The following SMC1A variants were observed in gnomAD, a reference collection of about 807,000 sequenced individuals.
SMC1A encodes the protein structural maintenance of chromosomes 1A, also known as structural maintenance of chromosomes protein 1A.
A neutral mutation model predicts 94.5 loss-of-function variants in SMC1A; 4 were observed. The ratio of observed to expected loss-of-function variants is 0.04; its 90% CI spans 0.02 to 0.10. The LOEUF (loss-of-function observed/expected upper bound fraction) is 0.10. Ranked by LOEUF, SMC1A falls within the 10% of genes least tolerant of loss-of-function variation. The probability of loss-of-function intolerance (pLI) is 1.00; values close to 1 mark genes in which losing one functional copy is unlikely to be tolerated. For missense variants in SMC1A, 304 were observed against 989.0 expected, an observed-to-expected ratio of 0.31 and a Z score of 9.29; for synonymous variants, 345 against 347.7, an observed-to-expected ratio of 0.99 and a Z score of 0.09.
At chrX:53,389,935 T>C (rs1160971827) in intron 19 of SMC1A, among the ~76,000 whole-genome samples, 8 of 95,235 alleles carry the variant, frequency 8.4e-5, no homozygotes, top group African/African-American at 3.1e-4. Flanking sequence ...CGGCAACCTC[T>C]GACTCCTGGG....
intron 19 of SMC1A, among the ~76,000 whole-genome samples, chrX:53,392,907 T>C (rs373386650): frequency 1.1e-4 from 12 of 112,247 alleles, no homozygotes; most frequent in African/African-American, 3.9e-4. Context: ...TCGTCTCACA[T>C]AGCCAACTAC....
chrX:53,390,315 G>A (rs1247380387), intron 19 of SMC1A, among the ~76,000 whole-genome samples: 1 of 107,571 alleles, frequency 9.3e-6, no homozygotes, highest in Non-Finnish European at 1.9e-5. Context: ...GTGAAATCCC[G>A]TCTCTAATAA....
intron 19 of SMC1A, among the ~76,000 whole-genome samples, chrX:53,385,680 T>C (rs1247270819): frequency 9.0e-6 from 1 of 111,170 alleles, no homozygotes; most frequent in Non-Finnish European, 1.9e-5. Flanking sequence ...TTTAAACATA[T>C]AACGGCAAGA....
chrX:53,402,884 A>T (rs1218545529), intron 15 of SMC1A, among the ~76,000 whole-genome samples: 1 of 89,665 alleles, frequency 1.1e-5, no homozygotes, highest in African/African-American at 4.3e-5. Flanking sequence ...AAAAAAAAAA[A>T]AGGGCCGGCA....
At chrX:53,418,698 G>A (rs944547938) in intron 1 of SMC1A, among the ~76,000 whole-genome samples, 3 of 112,349 alleles carry the variant, frequency 2.7e-5, no homozygotes, top group Admixed American at 9.4e-5. Context: ...CTCCCAAAGT[G>A]CTGGGGTTAC....
chrX:53,389,838 A>ATTTTT (rs1569353558), intron 19 of SMC1A, among the ~76,000 whole-genome samples: 3 of 92,254 alleles, frequency 3.3e-5, no homozygotes, highest in African/African-American at 1.2e-4. Context: ...GATGTCCAGA[A>ATTTTT]TTTCTTTTTT....
At position 53,416,752 on chromosome X, in the gene SMC1A, C is replaced by T. The variant is rs182753054; in HGVS notation, c.110-1583G>A. On this transcript the variant is annotated intron_variant, in intron 1 of 24. Coordinates refer to ENST00000322213, the MANE Select transcript of SMC1A (RefSeq NM_006306.4). The stretch of plus-strand genomic sequence containing the variant: ...TGCAAGATGAAAAAGTTCTAGAGAT[C>T]GTTTGCACAAAAACGTGAATATATT... Among the ~76,000 whole-genome samples the T allele has an allele frequency of 2.3e-4, 25 of 109,936 alleles. No homozygotes were observed. The East Asian group carries it at 6.6e-3, about 29-fold the overall frequency.
At chrX:53,384,944 CA>C (rs1234082894) in intron 19 of SMC1A, among the ~76,000 whole-genome samples, 5 of 96,932 alleles carry the variant, frequency 5.2e-5, no homozygotes, top group African/African-American at 3.8e-5. Flanking sequence ...GACCTTGTCT[CA>C]AAAAAAAAAG....
intron 19 of SMC1A, among the ~76,000 whole-genome samples, chrX:53,392,283 G>A (rs782191303): frequency 9.2e-6 from 1 of 108,179 alleles, no homozygotes; most frequent in Admixed American, 9.9e-5. Flanking sequence ...TCCCAGCTAC[G>A]TGGGAGGCTG....
At chrX:53,414,722 A>G (rs1556891032) in intron 3 of SMC1A, 36 bp downstream of exon 3, 1 of 955,390 alleles carries the variant, frequency 1.0e-6, no homozygotes, top group African/African-American at 1.9e-5. Flanking sequence ...TGGTCTGGCA[A>G]AAACCAGATA....
intron 19 of SMC1A, among the ~76,000 whole-genome samples, chrX:53,389,300 A>G (rs1217644200): frequency 9.0e-6 from 1 of 110,984 alleles, no homozygotes; most frequent in African/African-American, 3.3e-5. Context: ...AATGAGATTC[A>G]AGTGACATAT....
At position 53,396,545 on chromosome X, in the gene SMC1A, C is replaced by T. The variant is rs369412105; in HGVS notation, c.2635G>A (p.Ala879Thr). The change falls in exon 17 of 25, where the codon GCC (alanine) becomes ACC (threonine). Residue 879 changes from alanine (A) to threonine (T), a missense_variant. Ala to Thr is a moderately conservative substitution (Grantham distance 58, BLOSUM62 0). This residue lies in a region of SMC1A where 35 missense variants were observed against 95.4 expected (regional missense o/e 0.37). Transcript: ENST00000322213. The stretch of plus-strand genomic sequence containing the variant: ...TTGTCATTCACTTCCGACTTCTTGG[C>T]CAGATGCTGATTCTTCAGGTCTTGT... ...QLQDLKNQHL[A>T]KKSEVNDKNH... The T allele has an allele frequency of 1.7e-5, 20 of 1,208,220 alleles. No homozygotes were observed. Among genetic ancestry groups the T allele is most frequent in the Non-Finnish European group, 2.1e-5 (19 of 894,371 alleles).
chrX:53,402,932 C>T (rs2075676770), intron 15 of SMC1A, among the ~76,000 whole-genome samples: 1 of 96,160 alleles, frequency 1.0e-5, no homozygotes, highest in Non-Finnish European at 2.0e-5. Flanking sequence ...CTTTGGGAGG[C>T]TGAGGCAGGA....
Position 53,411,990 on chromosome X carries a change from C to G in SMC1A, c.1113+5G>C. The G allele has an allele frequency of 1.7e-6, 2 of 1,211,797 alleles. No individual in the cohort carries two copies. The highest frequency in any genetic ancestry group is 2.2e-6 in the Non-Finnish European group (2 of 895,496). On this transcript the variant is annotated splice_donor_5th_base_variant and intron_variant, in intron 6 of 24. Transcript: ENST00000322213. ...TCCTCCCTGCCAACCCCTTCCAGAG[C>G]TTACCTGATTCTCCTCCAACGTCAA...
At chrX:53,398,968 G>A (rs1556888440) in intron 16 of SMC1A, among the ~76,000 whole-genome samples, 2 of 111,511 alleles carry the variant, frequency 1.8e-5, no homozygotes, top group Admixed American at 1.9e-4. Context: ...GGCCAGGCAC[G>A]GTGGCTCATG....
At chrX:53,421,517 G>A (rs782401934) in intron 1 of SMC1A, among the ~76,000 whole-genome samples, 51 of 111,795 alleles carry the variant, frequency 4.6e-4, no homozygotes, top group Non-Finnish European at 8.1e-4. Context: ...GAATACAGCA[G>A]GATTCCAAAT....
At chrX:53,384,558 C>G (rs2075597361) in intron 19 of SMC1A, among the ~76,000 whole-genome samples, 1 of 111,074 alleles carries the variant, frequency 9.0e-6, no homozygotes, top group Admixed American at 9.7e-5. Flanking sequence ...GCCACCATGC[C>G]CGGCCAGGAA....
intron 19 of SMC1A, among the ~76,000 whole-genome samples, chrX:53,389,662 G>A (rs932444087): frequency 3.7e-5 from 4 of 109,389 alleles, no homozygotes; most frequent in Non-Finnish European, 7.6e-5. Flanking sequence ...CCAGGGAGGC[G>A]GAGGTTGCAG....
chrX:53,422,687 A>T, upstream of SMC1A: 2 of 616,609 alleles, frequency 3.2e-6, no homozygotes, highest in Non-Finnish European at 2.7e-6. Context: ...CCGCAGTGCA[A>T]GCCGGGCGAC....
Sources: gnomAD v4.1 joint callset for allele counts (sites outside exome capture counted in the v4.1 genomes callset) on GRCh38, gnomAD v4.1.1 for gene constraint, gnomAD v4.1.1 regional missense constraint, MANE v1.5 for transcripts, NCBI Gene and HGNC (gene_info 2026-07-23, HGNC 2026-07-21) for gene names.